The following STK3 variants were observed in gnomAD, a reference collection of about 807,000 sequenced individuals.
The protein encoded by STK3 is serine/threonine-protein kinase 3.
A neutral mutation model predicts 58.0 loss-of-function variants in STK3; 41 were observed. The ratio of observed to expected loss-of-function variants is 0.71; its 90% CI spans 0.55 to 0.92. The LOEUF is 0.92. Ranked by LOEUF, STK3 falls within the 40% of genes least tolerant of loss-of-function variation. The pLI, the probability that STK3 is intolerant of heterozygous loss-of-function variation, is 0.00. For missense variants in STK3, 479 were observed against 602.7 expected (o/e 0.79, Z 2.15); for synonymous variants, 170 against 191.0 (o/e 0.89, Z 0.91).
intron 3 of STK3, among the ~76,000 whole-genome samples, chr8:98,749,924 G>A (rs960644919): frequency 2.6e-5 from 4 of 151,974 alleles, no homozygotes; most frequent in East Asian, 1.9e-4. Flanking sequence ...GAGGTCTTAC[G>A]TCTTCCAGAG....
intron 10 of STK3, among the ~76,000 whole-genome samples, chr8:98,467,170 C>A (rs1187108914): frequency 6.6e-6 from 1 of 152,096 alleles, no homozygotes; most frequent in Non-Finnish European, 1.5e-5. Context: ...GCAGGCACCA[C>A]CATTCTCTGT....
chr8:98,856,968 C>A (rs754585668), intron 3 of STK3, among the ~76,000 whole-genome samples: 1 of 152,122 alleles, frequency 6.6e-6, no homozygotes, highest in Non-Finnish European at 1.5e-5. Flanking sequence ...AGACTACATA[C>A]CATAGGATTC....
At chr8:98,874,032 G>T (rs1305057751) in intron 3 of STK3, among the ~76,000 whole-genome samples, 1 of 152,162 alleles carries the variant, frequency 6.6e-6, no homozygotes, top group African/African-American at 2.4e-5. Flanking sequence ...TTGTAAGGCA[G>T]GCCTGGTGGT....
chr8:98,643,066 T>G (rs998130332), intron 6 of STK3, among the ~76,000 whole-genome samples: 1 of 151,946 alleles, frequency 6.6e-6, no homozygotes, highest in Non-Finnish European at 1.5e-5. Context: ...TCTACAAAAA[T>G]ATTTAAAAAT....
intron 8 of STK3, among the ~76,000 whole-genome samples, chr8:98,561,128 T>C (rs1005801251): frequency 6.6e-6 from 1 of 152,090 alleles, no homozygotes; most frequent in African/African-American, 2.4e-5. Flanking sequence ...AGCACAGTAC[T>C]GGCAAAAGAA....
intron 3 of STK3, among the ~76,000 whole-genome samples, chr8:98,757,038 CCTAA>C (rs1253621320): frequency 7.3e-5 from 11 of 149,764 alleles, no homozygotes; most frequent in African/African-American, 2.2e-4. Flanking sequence ...TTCTCTGCCT[CCTAA>C]CTGACTCTGG....
intron 1 of STK3, among the ~76,000 whole-genome samples, chr8:98,938,533 A>C (rs1413453156): frequency 1.3e-5 from 2 of 152,210 alleles, no homozygotes; most frequent in Non-Finnish European, 2.9e-5. Flanking sequence ...TTGAAGGTGG[A>C]GAGCTAGGCA....
At chr8:98,898,644 A>C (rs1164702997) in intron 1 of STK3, among the ~76,000 whole-genome samples, 2 of 152,336 alleles carry the variant, frequency 1.3e-5, no homozygotes, top group East Asian at 3.9e-4. Context: ...TACATTATTC[A>C]CTTAGCAGTA....
At chr8:98,877,470 GT>G (rs763678226) in intron 3 of STK3, among the ~76,000 whole-genome samples, 9 of 151,640 alleles carry the variant, frequency 5.9e-5, no homozygotes, top group Non-Finnish European at 2.9e-5. Context: ...CATTCCATGT[GT>G]TTTTTTTGTT....
rs1563979474 is a variant in STK3, at chr8:98,767,419, ATAAGAT to A, written c.108-54_108-49del. The A allele has an allele frequency of 1.1e-5, 16 of 1,515,648 alleles. No individual in the cohort carries two copies. In the Admixed American group the frequency reaches 1.2e-4, roughly 12 times the overall value. 93.9% of individuals were successfully genotyped at this position (1,515,648 alleles called of 1,614,324 possible). A position where few individuals can be genotyped will look rare whatever the true frequency, so the allele number is the denominator to read the frequency against. On this transcript the variant is annotated intron_variant, in intron 2 of 10. Transcript: ENST00000419617. ...TTTTTTCCTATCAAACATCGTAACTATAAGATTAAAAGTCTACTATGAGTTTTCTGT... is the reference window on the plus strand; with the variant it reads ...TTTTTTCCTATCAAACATCGTAACTATAAAAGTCTACTATGAGTTTTCTGT...
chr8:98,899,703 T>G (rs562298142), intron 1 of STK3, among the ~76,000 whole-genome samples: 1 of 152,256 alleles, frequency 6.6e-6, no homozygotes, highest in East Asian at 1.9e-4. Context: ...GCCAAGGGCA[T>G]GATATGCATA....
chr8:98,738,758 C>T (rs1828869028), intron 4 of STK3, among the ~76,000 whole-genome samples: 1 of 152,234 alleles, frequency 6.6e-6, no homozygotes, highest in Non-Finnish European at 1.5e-5. Context: ...GGGTGCAGCG[C>T]ACCGTGTGCG....
intron 1 of STK3, among the ~76,000 whole-genome samples, chr8:98,449,053 G>T (rs1373818362): frequency 6.6e-6 from 1 of 152,144 alleles, no homozygotes; most frequent in African/African-American, 2.4e-5. Context: ...TTGAAAACAG[G>T]TTGTGAGGAC....
intron 7 of STK3, among the ~76,000 whole-genome samples, chr8:98,581,515 T>A (rs376459752): frequency 6.6e-6 from 1 of 151,876 alleles, no homozygotes; most frequent in South Asian, 2.1e-4. Flanking sequence ...CTCAAAAGGA[T>A]AGAAGTCTAG....
intron 6 of STK3, among the ~76,000 whole-genome samples, chr8:98,650,132 T>C (rs1397355836): frequency 1.3e-5 from 2 of 152,212 alleles, no homozygotes; most frequent in African/African-American, 4.8e-5. Flanking sequence ...CTGGTACCTT[T>C]TGGATATCAT....
chr8:98,545,742 T>C (rs1810647685), intron 9 of STK3, among the ~76,000 whole-genome samples: 2 of 152,178 alleles, frequency 1.3e-5, no homozygotes, highest in South Asian at 4.1e-4. Flanking sequence ...AATAATATAC[T>C]GCTATCATCT....
chr8:98,531,155 T>C (rs919910171), intron 9 of STK3, among the ~76,000 whole-genome samples: 1 of 152,192 alleles, frequency 6.6e-6, no homozygotes, highest in African/African-American at 2.4e-5. Context: ...GATGAATCCT[T>C]TCCAGAAGGT....
intron 6 of STK3, among the ~76,000 whole-genome samples, chr8:98,699,944 T>A (rs1469785946): frequency 1.3e-5 from 2 of 152,198 alleles, no homozygotes; most frequent in Non-Finnish European, 2.9e-5. Context: ...TGTCTTTTTG[T>A]TTGTCTGTGC....
intron 7 of STK3, among the ~76,000 whole-genome samples, chr8:98,586,026 A>G (rs1370108107): frequency 1.3e-5 from 2 of 152,186 alleles, no homozygotes; most frequent in Non-Finnish European, 2.9e-5. Flanking sequence ...TAGATATACA[A>G]TCATGTCATC....
Sources: allele counts gnomAD v4.1 joint callset (sites outside exome capture counted in the v4.1 genomes callset), GRCh38; gene constraint gnomAD v4.1.1; transcripts MANE v1.5; gene names NCBI Gene and HGNC (gene_info 2026-07-23, HGNC 2026-07-21).